Variants in CPSF1 observed in about 807,000 individuals in gnomAD.
CPSF1 encodes cleavage and polyadenylation specific factor 1, also known as cleavage and polyadenylation specificity factor subunit 1.
In CPSF1, 106 loss-of-function variants were observed where a neutral mutation model predicts 175.8. The ratio of observed to expected loss-of-function variants is 0.60; its 90% CI spans 0.52 to 0.71. CPSF1 has a LOEUF of 0.71. Ranked by LOEUF, CPSF1 falls within the 30% of genes least tolerant of loss-of-function variation. The pLI is 0.00. For missense variants in CPSF1, 1,734 were observed against 2,022.9 expected (o/e 0.86, Z 2.74); for synonymous variants, 1,024 against 858.3 (o/e 1.19, Z -3.37).
chr8:144,407,920 T>G (rs2130783230), intron 2 of CPSF1, among the ~76,000 whole-genome samples: 1 of 152,252 alleles, frequency 6.6e-6, no homozygotes, highest in East Asian at 1.9e-4. Context: ...TGCCATGTTG[T>G]GAGCTGCCCC....
chr8:144,399,089 C>G lies in CPSF1; in HGVS notation c.1467+39G>C. ...TATGCCCCCCACCCCCCCTCACACT[C>G]CAGCCCCTGCCCCCAGCCCCGACCC... is the stretch of plus-strand genomic sequence containing the variant. On this transcript the variant is annotated intron_variant, in intron 15 of 37. Coordinates refer to ENST00000616140, the MANE Select transcript of CPSF1 (RefSeq NM_013291.3). The surrounding 1 kb of genome is among the most constrained non-coding windows in gnomAD (Gnocchi z 6.4). 1.3e-6 allele frequency: 2 copies of G among 1,541,712 alleles called. No individual in the cohort carries two copies. The highest frequency in any genetic ancestry group is 8.8e-7 in the Non-Finnish European group (1 of 1,140,666).
rs782128990 is a variant in CPSF1 at position 144,393,581 on chromosome 8, G to A, written c.4155C>T (p.His1385=). 44 of 1,604,336 alleles carry A rather than the reference G, an allele frequency of 2.7e-5. No homozygotes were observed. In the South Asian group the frequency reaches 3.7e-4, roughly 13 times the overall value. Residue 1385 remains histidine (H), a synonymous_variant, in exon 37 of 38, where the codon CAC becomes CAT. Transcript: ENST00000616140. ...CATTCTGGAGGGTGCGGCGGTCCAC[G>A]TGCAGCATCCTGGGGCGTACAGGCA... is the stretch of plus-strand genomic sequence containing the variant. The part of the protein sequence containing the change: ...GLNPRAFRML[H]VDRRTLQNAV...
intron 2 of CPSF1, among the ~76,000 whole-genome samples, chr8:144,405,789 G>A (rs1461048156): frequency 1.3e-5 from 2 of 152,164 alleles, no homozygotes; most frequent in Non-Finnish European, 2.9e-5. Flanking sequence ...GCCTCCTAGG[G>A]CTCTGAGTTC....
rs146450154 is a variant in CPSF1 at position 144,394,547 on chromosome 8, C to A, written c.3576G>T (p.Leu1192=). The change falls in exon 32 of 38, where the codon CTG becomes CTT. Residue 1192 remains leucine, a synonymous_variant. Coordinates refer to ENST00000616140, the MANE Select transcript of CPSF1 (RefSeq NM_013291.3). The part of the protein sequence containing the change: ...LVSAIGQKIF[L]WSLRASELTG... Reference sequence around the variant, plus strand: ...TCAGCTCGCTGGCCCGCAGGCTCCACAGGAAAATCTGGGGGCGAGGGCGAG... The same window carrying A: ...TCAGCTCGCTGGCCCGCAGGCTCCAAAGGAAAATCTGGGGGCGAGGGCGAG... 4 of 1,609,124 alleles carry A rather than the reference C, an allele frequency of 2.5e-6. No homozygotes were observed. The highest frequency in any genetic ancestry group is 3.4e-6 in the Non-Finnish European group (4 of 1,178,226).
In CPSF1 at chr8:144,394,645, T is replaced by G; in HGVS notation, c.3566A>C (p.Lys1189Thr). 1 of 1,606,060 alleles carries G rather than the reference T, an allele frequency of 6.2e-7. No individual in the cohort carries two copies. Among genetic ancestry groups the G allele is most frequent in the Non-Finnish European group, 8.5e-7 (1 of 1,176,990 alleles). ...NGHLVSAIGQKIFLWSLRASE... is the reference protein window; with the variant it reads ...NGHLVSAIGQTIFLWSLRASE... ...ACACGCCGGGTGGGACTGGCACACC[T>G]TCTGGCCGATGGCCGACACCAGGTG... Residue 1189 changes from lysine to threonine, a missense_variant and splice_region_variant, in exon 31 of 38, where the codon AAG becomes ACG. Transcript: ENST00000616140.
Position 144,398,588 on chromosome 8 carries a change from A to T in CPSF1, c.1689T>A (p.Pro563=). ...GTCTGCGGCCGTCGTCGTCTGCTTC[A>T]GGGGTGGTGCTGGGTTCCTGCTCTG... ...EGTEQEPSTT[P]EADDDGRRHG... Residue 563 remains proline (P), a synonymous_variant, in exon 18 of 38, where the codon CCT becomes CCA. Transcript: ENST00000616140. 6.2e-7 allele frequency: 1 copy of T among 1,613,866 alleles called. No individual in the cohort carries two copies.
Position 144,395,523 on chromosome 8 carries a change from G to A in CPSF1, c.3008C>T (p.Ala1003Val). ...CCATGGGGCATCATAGGACAGGTAG[G>A]CAGGCAGGACACTGATCCTCAGCTC... Reference protein sequence around the residue: ...QGELRISVLPAYLSYDAPWPV... With the variant: ...QGELRISVLPVYLSYDAPWPV... Residue 1003 changes from alanine (A) to valine (V), a missense_variant, in exon 27 of 38, where the codon GCC (alanine) becomes GTC (valine). Physicochemically the swap from Ala to Val is moderately conservative, Grantham distance 64 (BLOSUM62 0). This residue lies in a region of CPSF1 where 585 missense variants were observed against 584.7 expected (regional missense o/e 1.00). Transcript: ENST00000616140. The A allele has an allele frequency of 1.3e-6, 2 of 1,547,788 alleles. No homozygotes were observed. The highest frequency in any genetic ancestry group is 1.8e-4 in the Middle Eastern group (1 of 5,668).
rs10091820 is a variant in CPSF1, at chr8:144,399,924, G to C, written c.1032-56C>G. On this transcript the variant is annotated intron_variant, in intron 10 of 37. Transcript: ENST00000616140. This position sits in a 1 kb window ranked among gnomAD's most constrained non-coding sequence, Gnocchi z 6.4. ...TGGGGACCCTGGGGGAGTGAAGGGG[G>C]CCAGGGGACCCTACAGGACTTGTGG... 6.4e-7 allele frequency: 1 copy of C among 1,556,314 alleles called. No individual in the cohort carries two copies. Among genetic ancestry groups the C allele is most frequent in the East Asian group, 2.4e-5 (1 of 42,424 alleles).
At chr8:144,395,806 C>A in intron 26 of CPSF1, 3 of 575,932 alleles carry the variant, frequency 5.2e-6, no homozygotes, top group Non-Finnish European at 9.3e-6. Context: ...GCCAGGAGGG[C>A]ACTGGAGGCT....
At chr8:144,397,074 A>G (rs1299769473) in intron 23 of CPSF1, 133 bp downstream of exon 23, 1 of 603,670 alleles carries the variant, frequency 1.7e-6, no homozygotes, top group East Asian at 5.0e-5. Context: ...TGTGAGGGAG[A>G]TGGGGTGGAG....
At chr8:144,397,092 A>G in intron 23 of CPSF1, 115 bp downstream of exon 23, 2 of 1,028,892 alleles carry the variant, frequency 1.9e-6, no homozygotes, top group South Asian at 3.1e-5. Context: ...GAGCCACGGG[A>G]AGGGGCGGGG....
At chr8:144,404,406 G>A (rs1253255207) in intron 2 of CPSF1, among the ~76,000 whole-genome samples, 3 of 150,140 alleles carry the variant, frequency 2.0e-5, no homozygotes, top group African/African-American at 4.9e-5. Flanking sequence ...TTGCTCTGTC[G>A]CCAGGCTAGA....
chr8:144,400,614 C>T (rs1821144168), intron 7 of CPSF1, 57 bp downstream of exon 7: 1 of 1,594,536 alleles, frequency 6.3e-7, no homozygotes, highest in African/African-American at 1.3e-5. Context: ...GGGCCCCACC[C>T]CAGGCAGAGG....
In CPSF1 at chr8:144,394,661, A is replaced by T. The variant is rs1404033573; in HGVS notation, c.3550T>A (p.Ser1184Thr). Residue 1184 changes from serine to threonine, a missense_variant, in exon 31 of 38, where the codon TCG becomes ACG. Around this residue, in one of 10 missense-constraint regions of CPSF1, gnomAD observed 62 missense variants for 124.5 expected, o/e 0.50. Transcript: ENST00000616140. The part of the protein sequence containing the change: ...ALCHCNGHLV[S>T]AIGQKIFLWS... ...TGGCACACCTTCTGGCCGATGGCCG[A>T]CACCAGGTGGCCATTGCAGTGGCAC... The T allele has an allele frequency of 3.1e-6, 5 of 1,609,328 alleles. No individual in the cohort carries two copies. The highest frequency in any genetic ancestry group is 3.4e-6 in the Non-Finnish European group (4 of 1,178,384).
rs782171729 is a variant in CPSF1 at position 144,397,724 on chromosome 8, G to GC, written c.2210+18dup. The stretch of plus-strand genomic sequence containing the variant: ...CCCAGGGACCCAAGCCCCTACCTGC[G>GC]CCCCCAGCCCCCACGCACCTAGTCT... On this transcript the variant is annotated intron_variant, in intron 21 of 37. Transcript: ENST00000616140. The GC allele has an allele frequency of 3.8e-6, 6 of 1,585,052 alleles. No individual in the cohort carries two copies. Among genetic ancestry groups the GC allele is most frequent in the Non-Finnish European group, 5.2e-6 (6 of 1,159,778 alleles).
chr8:144,400,031 G>C lies in CPSF1; in HGVS notation c.992C>G (p.Ser331Cys). Reference sequence around the variant, plus strand: ...GAGGGAGATGACCATCTTGTCGTAGGAGATGAAGGTGGCCTGGGCGCAGTC... The same window carrying C: ...GAGGGAGATGACCATCTTGTCGTAGCAGATGAAGGTGGCCTGGGCGCAGTC... ...TLDCAQATFI[S>C]YDKMVISLKG... The change falls in exon 10 of 38, where the codon TCC (serine) becomes TGC (cysteine). Residue 331 changes from serine (S) to cysteine (C), a missense_variant. Around this residue, in one of 10 missense-constraint regions of CPSF1, gnomAD observed 162 missense variants for 169.5 expected, o/e 0.96. Transcript: ENST00000616140. 1 of 1,612,094 alleles carries C rather than the reference G, an allele frequency of 6.2e-7. No homozygotes were observed. Among genetic ancestry groups the C allele is most frequent in the Admixed American group, 1.7e-5 (1 of 59,922 alleles).
At position 144,409,177 on chromosome 8, in the gene CPSF1, G is replaced by A; in HGVS notation, c.-14-5C>T. Reference sequence around the variant, plus strand: ...CGTACATGGCGCCAACCCGGGCTGCGCAAGGCCGGGAGAGGAAGGGTGAGC... The same window carrying A: ...CGTACATGGCGCCAACCCGGGCTGCACAAGGCCGGGAGAGGAAGGGTGAGC... On this transcript the variant is annotated splice_region_variant and splice_polypyrimidine_tract_variant and intron_variant, in intron 1 of 37. Transcript: ENST00000616140. 1.9e-6 allele frequency: 3 copies of A among 1,597,536 alleles called. No homozygotes were observed. The highest frequency in any genetic ancestry group is 1.1e-5 in the South Asian group (1 of 89,730).
At chr8:144,404,512 C>A (rs1327811228) in intron 2 of CPSF1, among the ~76,000 whole-genome samples, 1 of 151,416 alleles carries the variant, frequency 6.6e-6, no homozygotes, top group Non-Finnish European at 1.5e-5. Flanking sequence ...ACTACAAGCG[C>A]CCACCACCAC....
intron 25 of CPSF1, 44 bp downstream of exon 25, chr8:144,396,554 G>T: frequency 6.2e-7 from 1 of 1,607,998 alleles, no homozygotes; most frequent in South Asian, 1.1e-5. Context: ...GGATGAGGCC[G>T]CGTCTCCCTT....
Sources: allele counts gnomAD v4.1 joint callset (sites outside exome capture counted in the v4.1 genomes callset), GRCh38; gene constraint gnomAD v4.1.1; regional missense constraint gnomAD v4.1.1; non-coding constraint Gnocchi (gnomAD v3.1); transcripts MANE v1.5; gene names NCBI Gene and HGNC (gene_info 2026-07-23, HGNC 2026-07-21).